The following EMC1 variants were observed in gnomAD, a reference collection of about 807,000 sequenced individuals.
EMC1 encodes KIAA0090.
Under a neutral mutation model 128.8 loss-of-function variants are expected in EMC1, and 103 were observed. The observed-to-expected ratio is 0.80, with a 90% CI of 0.68 to 0.94. The LOEUF is 0.94. EMC1 is among the 40% of genes least tolerant of loss of function. The probability of loss-of-function intolerance (pLI) is 0.00; values close to 1 mark genes in which losing one functional copy is unlikely to be tolerated. For missense variants in EMC1, 1,083 were observed against 1,250.6 expected, an observed-to-expected ratio of 0.87 and a Z score of 2.02; for synonymous variants, 442 against 490.4, an observed-to-expected ratio of 0.90 and a Z score of 1.30.
chr1:19,248,023 C>CAG (rs1553254913), intron 1 of EMC1, among the ~76,000 whole-genome samples: 2 of 141,212 alleles, frequency 1.4e-5, no homozygotes, highest in Non-Finnish European at 3.1e-5. Context: ...GACTCTGTCC[C>CAG]AAAAAAAAAA....
chr1:19,243,766 T>A, intron 3 of EMC1, 59 bp from the exon 4 acceptor site: 2 of 1,568,138 alleles, frequency 1.3e-6, no homozygotes. Context: ...CTTCCTAGGG[T>A]CCCACTGTGA....
At chr1:19,221,005 G>A (rs533547954) in intron 20 of EMC1, 157 bp from the exon 21 acceptor site, 31 of 534,520 alleles carry the variant, frequency 5.8e-5, no homozygotes, top group Middle Eastern at 6.2e-4. Context: ...CCAATGATAC[G>A]CATGGGTCTG....
At chr1:19,237,900 AG>A in intron 11 of EMC1, 116 bp downstream of exon 11, 2 of 1,327,910 alleles carry the variant, frequency 1.5e-6, no homozygotes, top group East Asian at 2.5e-5. Context: ...AGAGAGCACT[AG>A]AACACATGTT....
chr1:19,246,156 C>T (rs2093631339), intron 1 of EMC1, among the ~76,000 whole-genome samples: 1 of 151,928 alleles, frequency 6.6e-6, no homozygotes, highest in Non-Finnish European at 1.5e-5. Flanking sequence ...TTTGGGAGGC[C>T]AAGGTGGGTG....
At chr1:19,250,227 A>G (rs2093651977) in intron 1 of EMC1, among the ~76,000 whole-genome samples, 1 of 127,824 alleles carries the variant, frequency 7.8e-6, no homozygotes, top group African/African-American at 2.5e-5. Context: ...TCAAAAAAAA[A>G]AAAAAAAAAA....
At chr1:19,230,041 G>A (rs930929258) in intron 17 of EMC1, among the ~76,000 whole-genome samples, 1 of 152,128 alleles carries the variant, frequency 6.6e-6, no homozygotes, top group Non-Finnish European at 1.5e-5. Context: ...CCAGCCCCTC[G>A]TGAACTTCAG....
At chr1:19,233,615 C>A (rs1273229355) in intron 13 of EMC1, among the ~76,000 whole-genome samples, 1 of 152,160 alleles carries the variant, frequency 6.6e-6, no homozygotes, top group Non-Finnish European at 1.5e-5. Context: ...CTGCACCCAA[C>A]AGACGTACTT....
rs1314940720 is a variant in EMC1 at position 19,217,739 on chromosome 1, T to C, written c.*1564A>G. The C allele has an allele frequency of 6.6e-6, 1 of 152,222 alleles. No homozygotes were observed. The highest frequency in any genetic ancestry group is 1.9e-4 in the East Asian group (1 of 5,200). 9.4% of individuals were successfully genotyped at this position (152,222 alleles called of 1,614,324 possible). ...AAACTAGGGCAGAATTTTTTTTAAC[T>C]TGTACTTAACTCTCTTCTCCCAGGT... On this transcript the variant is annotated 3_prime_UTR_variant, in exon 23 of 23. Transcript: ENST00000477853.
chr1:19,218,499 A>C lies in EMC1; in HGVS notation c.*804T>G, dbSNP rs1407895836. On this transcript the variant is annotated 3_prime_UTR_variant, in exon 23 of 23. Coordinates refer to ENST00000477853, the MANE Select transcript of EMC1 (RefSeq NM_015047.3). The stretch of plus-strand genomic sequence containing the variant: ...GACCAGCCTGTGGGTGAAATGAGAG[A>C]TTATCTCTTCTCCCTGGAAATGTCT... 7.2e-5 allele frequency: 11 copies of C among 152,164 alleles called. No homozygotes were observed. The highest frequency in any genetic ancestry group is 2.7e-4 in the African/African-American group (11 of 41,436). 9.4% of individuals were successfully genotyped at this position (152,164 alleles called of 1,614,324 possible).
At position 19,216,219 on chromosome 1, in the gene EMC1, A is replaced by T. The variant is rs2093392396; in HGVS notation, c.*3084T>A. 8.5e-6 allele frequency: 1 copy of T among 117,864 alleles called. No homozygotes were observed. The highest frequency in any genetic ancestry group is 1.8e-5 in the Non-Finnish European group (1 of 55,130). 7.3% of individuals were successfully genotyped at this position (117,864 alleles called of 1,614,324 possible). ...GCCACTGCTCTCCAGCCTGGGTGAC[A>T]GAGACCCTGCCTCCAAAAAAAAAGC... On this transcript the variant is annotated 3_prime_UTR_variant, in exon 23 of 23. Coordinates refer to ENST00000477853, the MANE Select transcript of EMC1 (RefSeq NM_015047.3).
Position 19,244,923 on chromosome 1 carries a change from G to A in EMC1, c.203C>T (p.Ser68Phe), listed in dbSNP as rs1384112958. Residue 68 changes from serine to phenylalanine, a missense_variant, in exon 2 of 23, where the codon TCC (serine) becomes TTC (phenylalanine). Around this residue, in one of 3 missense-constraint regions of EMC1, gnomAD observed 544 missense variants for 572.4 expected, o/e 0.95. Coordinates refer to ENST00000477853, the MANE Select transcript of EMC1 (RefSeq NM_015047.3). Reference sequence around the variant, plus strand: ...TCACTCACAGATCTCCCCAGTTCGGGAATTTAATGCTGCAATCACATTCTT... The same window carrying A: ...TCACTCACAGATCTCCCCAGTTCGGAAATTTAATGCTGCAATCACATTCTT... ...TEKNVIAALN[S>F]RTGEILWRHV... 3 of 1,613,590 alleles carry A rather than the reference G, an allele frequency of 1.9e-6. No individual in the cohort carries two copies. The highest frequency in any genetic ancestry group is 3.3e-5 in the Admixed American group (2 of 59,978).
chr1:19,221,292 A>C (rs1247849096), intron 20 of EMC1: 2 of 154,902 alleles, frequency 1.3e-5, no homozygotes, highest in African/African-American at 4.8e-5. Flanking sequence ...AGTTTCAGTA[A>C]TGGTGATTAA....
At chr1:19,246,253 G>A (rs1267881053) in intron 1 of EMC1, among the ~76,000 whole-genome samples, 2 of 151,998 alleles carry the variant, frequency 1.3e-5, no homozygotes, top group African/African-American at 4.8e-5. Flanking sequence ...AGCTGGGCGT[G>A]GTGGCACGTG....
chr1:19,230,407 A>G (rs2093511080), intron 17 of EMC1, among the ~76,000 whole-genome samples: 1 of 151,256 alleles, frequency 6.6e-6, no homozygotes, highest in Non-Finnish European at 1.5e-5. Flanking sequence ...TGTCTCTACT[A>G]AAAATACAAA....
chr1:19,227,522 T>G, intron 17 of EMC1, 72 bp from the exon 18 acceptor site: 1 of 1,561,134 alleles, frequency 6.4e-7, no homozygotes, highest in Non-Finnish European at 8.8e-7. Context: ...GTTAGACACA[T>G]CCTACAGTTC....
chr1:19,248,653 C>T (rs755122896), intron 1 of EMC1, among the ~76,000 whole-genome samples: 7 of 151,990 alleles, frequency 4.6e-5, no homozygotes, highest in Middle Eastern at 3.4e-3. Context: ...CTCTTGACTT[C>T]GTGATCCACC....
At chr1:19,226,137 C>T (rs78109797) in intron 18 of EMC1, among the ~76,000 whole-genome samples, 3,412 of 152,266 alleles carry the variant, frequency 0.022, 43 homozygotes, top group Non-Finnish European at 0.037. Flanking sequence ...CTCTGCTGTA[C>T]CAGAGGGTGT....
In EMC1 at chr1:19,220,854, C is replaced by T. The variant is rs1439102716; in HGVS notation, c.2588-6G>A. 6.2e-7 allele frequency: 1 copy of T among 1,608,136 alleles called. No homozygotes were observed. The highest frequency in any genetic ancestry group is 1.7e-5 in the Admixed American group (1 of 59,582). On this transcript the variant is annotated splice_region_variant and splice_polypyrimidine_tract_variant and intron_variant, in intron 20 of 22. Coordinates refer to ENST00000477853, the MANE Select transcript of EMC1 (RefSeq NM_015047.3). The stretch of plus-strand genomic sequence containing the variant: ...TGCTCCAGAAGGTAGTCCAACTACA[C>T]AGGAGGAAGTGAATGTTCACACCGA...
chr1:19,245,749 C>T (rs1217878950), intron 1 of EMC1, among the ~76,000 whole-genome samples: 2 of 150,568 alleles, frequency 1.3e-5, no homozygotes, highest in Non-Finnish European at 2.9e-5. Flanking sequence ...CTCAGCCTCC[C>T]GAGTAGCTGG....
Sources: gnomAD v4.1 joint callset for allele counts (sites outside exome capture counted in the v4.1 genomes callset) on GRCh38, gnomAD v4.1.1 for gene constraint, gnomAD v4.1.1 regional missense constraint, MANE v1.5 for transcripts, NCBI Gene and HGNC (gene_info 2026-07-23, HGNC 2026-07-21) for gene names.